Variants in KCNQ3 observed in about 807,000 individuals in gnomAD.
The protein encoded by KCNQ3 is potassium voltage-gated channel subfamily KQT member 3.
KCNQ3 carries 30 observed loss-of-function variants against 92.5 expected under a neutral mutation model. The observed-to-expected ratio is 0.32, with a 90% CI of 0.24 to 0.44. The LOEUF (loss-of-function observed/expected upper bound fraction) is 0.44, where lower values mean the gene tolerates loss of function less well. Among genes scored for constraint, KCNQ3 ranks in the 20% least tolerant of loss-of-function variants. The pLI, the probability that KCNQ3 is intolerant of heterozygous loss-of-function variation, is 1.00. For synonymous variants in KCNQ3, 450 were observed against 468.8 expected, an observed-to-expected ratio of 0.96 and a Z score of 0.52; for missense variants, 913 against 1,140.3, an observed-to-expected ratio of 0.80 and a Z score of 2.87.
Position 132,139,858 on chromosome 8 carries a change from T to C in KCNQ3, c.1568+218A>G, listed in dbSNP as rs1549849. On this transcript the variant is annotated intron_variant, in intron 11 of 14. Coordinates refer to ENST00000388996, the MANE Select transcript of KCNQ3 (RefSeq NM_004519.4). ...TGGGGCGTGTTTATAACAAGGCAGG[T>C]ACCTACGAGTCACCCATCATGACTT... Among the ~76,000 whole-genome samples the C allele has an allele frequency of 0.95, 144,235 of 152,222 alleles. 68,583 individuals are homozygous for C. The highest frequency in any genetic ancestry group is 0.97 in the African/African-American group (40,509 of 41,552).
intron 1 of KCNQ3, among the ~76,000 whole-genome samples, chr8:132,380,128 A>G (rs928876073): frequency 1.3e-5 from 2 of 152,172 alleles, no homozygotes; most frequent in African/African-American, 4.8e-5. Flanking sequence ...CCATTGCCTC[A>G]TTTTTGTTCA....
At chr8:132,479,813 T>G (rs1377703631) in intron 1 of KCNQ3, among the ~76,000 whole-genome samples, 2 of 152,070 alleles carry the variant, frequency 1.3e-5, no homozygotes, top group South Asian at 2.1e-4. Context: ...ACCCACATAA[T>G]TATTTTAAGC....
At chr8:132,442,168 A>T (rs1172172230) in intron 1 of KCNQ3, among the ~76,000 whole-genome samples, 1 of 151,904 alleles carries the variant, frequency 6.6e-6, no homozygotes, top group Admixed American at 6.6e-5. Flanking sequence ...TGTACAACAA[A>T]CCCCCATGAC....
Position 132,129,043 on chromosome 8 carries a change from G to C in KCNQ3, c.*219C>G. On this transcript the variant is annotated 3_prime_UTR_variant, in exon 15 of 15. Coordinates refer to ENST00000388996, the MANE Select transcript of KCNQ3 (RefSeq NM_004519.4). This position sits in a 1 kb window ranked among gnomAD's most constrained non-coding sequence, Gnocchi z 5.9. ...AGAGATTAGCGGAACCATTTATATAGTGTAAAGTCATGCAAACCATGCTGA... is the reference window on the plus strand; with the variant it reads ...AGAGATTAGCGGAACCATTTATATACTGTAAAGTCATGCAAACCATGCTGA... 2 of 599,626 alleles carry C rather than the reference G, an allele frequency of 3.3e-6. No homozygotes were observed. The highest frequency in any genetic ancestry group is 2.8e-5 in the East Asian group (1 of 35,858). 37.1% of individuals were successfully genotyped at this position (599,626 alleles called of 1,614,324 possible).
At chr8:132,318,219 A>G (rs2130628673) in intron 1 of KCNQ3, among the ~76,000 whole-genome samples, 1 of 152,356 alleles carries the variant, frequency 6.6e-6, no homozygotes, top group South Asian at 2.1e-4. Context: ...TCCTTATGCT[A>G]TAATTGGATT....
chr8:132,376,179 A>G (rs962508414), intron 1 of KCNQ3, among the ~76,000 whole-genome samples: 3 of 152,140 alleles, frequency 2.0e-5, no homozygotes, highest in Non-Finnish European at 2.9e-5. Context: ...CAATTCTAAG[A>G]GGCATGCTTT....
chr8:132,344,960 T>C (rs1009645969), intron 1 of KCNQ3, among the ~76,000 whole-genome samples: 5 of 152,124 alleles, frequency 3.3e-5, no homozygotes, highest in African/African-American at 9.7e-5. Flanking sequence ...AGAGCTGAGA[T>C]AGAGTGACCA....
At chr8:132,212,671 G>C (rs1489236908) in intron 1 of KCNQ3, among the ~76,000 whole-genome samples, 1 of 152,032 alleles carries the variant, frequency 6.6e-6, no homozygotes, top group Non-Finnish European at 1.5e-5. Context: ...GGGAATCCTG[G>C]CTGAAGACTC....
At chr8:132,374,656 TTC>T (rs1819562932) in intron 1 of KCNQ3, among the ~76,000 whole-genome samples, 2 of 152,208 alleles carry the variant, frequency 1.3e-5, no homozygotes, top group Non-Finnish European at 2.9e-5. Flanking sequence ...ACTAATTTTT[TTC>T]TGCTCTTCTC....
At chr8:132,272,161 T>C (rs1482417549) in intron 1 of KCNQ3, among the ~76,000 whole-genome samples, 1 of 152,194 alleles carries the variant, frequency 6.6e-6, no homozygotes, top group Non-Finnish European at 1.5e-5. Context: ...ATCTGTAAAA[T>C]GGAGAGAATA....
At chr8:132,380,959 G>T (rs1435470000) in intron 1 of KCNQ3, among the ~76,000 whole-genome samples, 1 of 149,150 alleles carries the variant, frequency 6.7e-6, no homozygotes, top group Non-Finnish European at 1.5e-5. Context: ...AAACAACCTT[G>T]GAAGAGGAGA....
At chr8:132,190,585 G>C (rs1433724758) in intron 1 of KCNQ3, among the ~76,000 whole-genome samples, 2 of 152,110 alleles carry the variant, frequency 1.3e-5, no homozygotes, top group Non-Finnish European at 2.9e-5. Flanking sequence ...GACCTGTTCT[G>C]GAACTGCAAG....
At chr8:132,324,579 G>C (rs1817987052) in intron 1 of KCNQ3, among the ~76,000 whole-genome samples, 1 of 152,164 alleles carries the variant, frequency 6.6e-6, no homozygotes, top group South Asian at 2.1e-4. Flanking sequence ...TTTAATATGA[G>C]GACTAAGGCT....
intron 1 of KCNQ3, among the ~76,000 whole-genome samples, chr8:132,277,191 T>A (rs762089133): frequency 2.0e-5 from 3 of 152,198 alleles, no homozygotes; most frequent in Non-Finnish European, 4.4e-5. Flanking sequence ...GCCATCAGCA[T>A]CATTTCACAA....
chr8:132,240,182 C>CTTTTTTTTTTTTTTTTTTTTTTTTTTTTT (rs11342824), intron 1 of KCNQ3, among the ~76,000 whole-genome samples: 1 of 111,908 alleles, frequency 8.9e-6, no homozygotes, highest in Non-Finnish European at 1.8e-5. Context: ...TGCCATGATT[C>CTTTTTTTTTTTTTTTTTTTTTTTTTTTTT]TTTTTTTTTT....
chr8:132,348,448 T>C (rs954703100), intron 1 of KCNQ3, among the ~76,000 whole-genome samples: 7 of 152,190 alleles, frequency 4.6e-5, no homozygotes, highest in Admixed American at 2.6e-4. Context: ...GGAAATCCAG[T>C]GGGGCACTGT....
At chr8:132,386,222 A>G (rs773075470) in intron 1 of KCNQ3, among the ~76,000 whole-genome samples, 2 of 152,196 alleles carry the variant, frequency 1.3e-5, no homozygotes, top group Non-Finnish European at 2.9e-5. Flanking sequence ...ATAGCCTTGC[A>G]TGCTGTCAAT....
intron 12 of KCNQ3, among the ~76,000 whole-genome samples, chr8:132,135,482 ACTTT>A (rs976327753): frequency 6.6e-6 from 1 of 152,048 alleles, no homozygotes; most frequent in African/African-American, 2.4e-5. Flanking sequence ...CACTGACGGC[ACTTT>A]CTTTCTCTCT....
chr8:132,252,056 G>A (rs1163224953), intron 1 of KCNQ3, among the ~76,000 whole-genome samples: 1 of 152,110 alleles, frequency 6.6e-6, no homozygotes, highest in Non-Finnish European at 1.5e-5. Context: ...TCCTGATGGG[G>A]AGGATCATGG....
Sources: allele counts gnomAD v4.1 joint callset (sites outside exome capture counted in the v4.1 genomes callset), GRCh38; gene constraint gnomAD v4.1.1; non-coding constraint Gnocchi (gnomAD v3.1); transcripts MANE v1.5; gene names NCBI Gene and HGNC (gene_info 2026-07-23, HGNC 2026-07-21).